The following ELL variants were observed in gnomAD, a reference collection of about 807,000 sequenced individuals.
The protein encoded by ELL is elongation factor for RNA polymerase II.
In ELL, 18 loss-of-function variants were observed where a neutral mutation model predicts 64.0. The observed-to-expected ratio is 0.28, with a 90% CI of 0.19 to 0.42. The LOEUF (loss-of-function observed/expected upper bound fraction) is 0.42. ELL is among the 10% of genes least tolerant of loss of function. The pLI, the probability that ELL is intolerant of heterozygous loss-of-function variation, is 1.00. For missense variants in ELL, 797 were observed against 870.4 expected (o/e 0.92, Z 1.06); for synonymous variants, 399 against 376.2 (o/e 1.06, Z -0.70).
intron 5 of ELL, among the ~76,000 whole-genome samples, chr19:18,458,725 T>C (rs1480192332): frequency 6.6e-6 from 1 of 152,184 alleles, no homozygotes; most frequent in African/African-American, 2.4e-5. Flanking sequence ...CTAGACCTCC[T>C]GTGCTCAAGC....
intron 8 of ELL, chr19:18,448,205 G>A (rs1315710108): frequency 2.0e-5 from 3 of 151,972 alleles, no homozygotes; most frequent in African/African-American, 7.3e-5. Flanking sequence ...CAACATGCTG[G>A]GATTATAGGC....
chr19:18,477,152 G>T (rs1431418423), intron 1 of ELL, among the ~76,000 whole-genome samples: 1 of 152,200 alleles, frequency 6.6e-6, no homozygotes, highest in Non-Finnish European at 1.5e-5. Flanking sequence ...TGAAGAGGAA[G>T]ACGTACGGGT....
intron 1 of ELL, among the ~76,000 whole-genome samples, chr19:18,488,523 G>A (rs1485450456): frequency 6.6e-6 from 1 of 152,208 alleles, no homozygotes; most frequent in African/African-American, 2.4e-5. Flanking sequence ...CAGGGCTCTA[G>A]GGAGGGGCTG....
chr19:18,465,200 A>G (rs533270679), intron 4 of ELL, among the ~76,000 whole-genome samples: 4 of 152,076 alleles, frequency 2.6e-5, no homozygotes, highest in Non-Finnish European at 5.9e-5. Context: ...CCAACCCCCT[A>G]TCCCTCACAT....
At position 18,446,757 on chromosome 19, in the gene ELL, T is replaced by A; in HGVS notation, c.1523A>T (p.Asp508Val). Residue 508 changes from aspartate (D) to valine (V), a missense_variant, in exon 9 of 12, where the codon GAC becomes GTC. Coordinates refer to ENST00000262809, the MANE Select transcript of ELL (RefSeq NM_006532.4). ...CCAGACAAACACTCACAGCAAGTAGTCAGGCGTCTCCGACGTGGACGTGGG... is the reference window on the plus strand; with the variant it reads ...CCAGACAAACACTCACAGCAAGTAGACAGGCGTCTCCGACGTGGACGTGGG... ...SVPTSTSETP[D>V]YLLKYAAISS... 1.2e-6 allele frequency: 2 copies of A among 1,613,956 alleles called. No individual in the cohort carries two copies. The highest frequency in any genetic ancestry group is 1.7e-6 in the Non-Finnish European group (2 of 1,179,976).
intron 6 of ELL, among the ~76,000 whole-genome samples, chr19:18,453,591 T>C (rs1974588596): frequency 6.6e-6 from 1 of 151,884 alleles, no homozygotes; most frequent in Non-Finnish European, 1.5e-5. Context: ...AGAAAATAGG[T>C]TGGGCGCAGT....
chr19:18,488,678 A>G (rs1975466724), intron 1 of ELL, among the ~76,000 whole-genome samples: 1 of 152,130 alleles, frequency 6.6e-6, no homozygotes, highest in South Asian at 2.1e-4. Flanking sequence ...AAGCAAAGGA[A>G]AGCCTGATCA....
intron 1 of ELL, among the ~76,000 whole-genome samples, chr19:18,514,872 A>C (rs922474368): frequency 1.3e-5 from 2 of 152,212 alleles, no homozygotes; most frequent in Non-Finnish European, 2.9e-5. Flanking sequence ...GACCTCTGAA[A>C]ACTAGGGTCT....
At chr19:18,492,786 A>G (rs1975558886) in intron 1 of ELL, among the ~76,000 whole-genome samples, 1 of 152,148 alleles carries the variant, frequency 6.6e-6, no homozygotes, top group South Asian at 2.1e-4. Context: ...AGCCAGGCCC[A>G]GGCCCAGCTC....
rs1392703051 is a variant in ELL, at chr19:18,501,308, A to C, written c.135+20613T>G. On this transcript the variant is annotated intron_variant, in intron 1 of 11. Transcript: ENST00000262809. The surrounding 1 kb of genome is among the most constrained non-coding windows in gnomAD (Gnocchi z 4.5). ...ATGAGAAGCCACCAAGCAGACCCGGATGAGAGCAATACTGTGTGTGCCCAG... is the reference window on the plus strand; with the variant it reads ...ATGAGAAGCCACCAAGCAGACCCGGCTGAGAGCAATACTGTGTGTGCCCAG... Among the ~76,000 whole-genome samples, 2 of 152,064 alleles carry C rather than the reference A, an allele frequency of 1.3e-5. No homozygotes were observed. The highest frequency in any genetic ancestry group is 1.3e-4 in the Admixed American group (2 of 15,268).
chr19:18,485,944 C>A (rs1305456733), intron 1 of ELL, among the ~76,000 whole-genome samples: 1 of 151,730 alleles, frequency 6.6e-6, no homozygotes, highest in Non-Finnish European at 1.5e-5. Flanking sequence ...CAAGATCACA[C>A]CACTGCACTC....
chr19:18,491,447 TC>T (rs756545904), intron 1 of ELL, among the ~76,000 whole-genome samples: 10 of 151,836 alleles, frequency 6.6e-5, no homozygotes, highest in South Asian at 4.2e-4. Flanking sequence ...CAGATCACCC[TC>T]CAACGTATGG....
chr19:18,473,217 T>C (rs1415278427), intron 1 of ELL: 1 of 594,940 alleles, frequency 1.7e-6, no homozygotes, highest in Non-Finnish European at 3.2e-6. Context: ...AGCCTGTGAA[T>C]CCACCGGGAG....
At chr19:18,467,572 A>G (rs925583172) in intron 2 of ELL, among the ~76,000 whole-genome samples, 4 of 151,744 alleles carry the variant, frequency 2.6e-5, no homozygotes, top group African/African-American at 9.7e-5. Flanking sequence ...ACACACATAT[A>G]GCCTCTGATG....
At chr19:18,504,447 G>A (rs1975842826) in intron 1 of ELL, among the ~76,000 whole-genome samples, 2 of 152,000 alleles carry the variant, frequency 1.3e-5, no homozygotes, top group South Asian at 4.2e-4. Flanking sequence ...ATCTGAAATT[G>A]CCATGTACAT....
intron 2 of ELL, among the ~76,000 whole-genome samples, chr19:18,469,359 G>A (rs1015160614): frequency 6.6e-6 from 1 of 152,220 alleles, no homozygotes; most frequent in Non-Finnish European, 1.5e-5. Context: ...TTACCAGCCC[G>A]GGACCGTGGG....
At position 18,444,322 on chromosome 19, in the gene ELL, G is replaced by A. The variant is rs1049399086; in HGVS notation, c.*430C>T. 1.3e-5 allele frequency: 3 copies of A among 239,238 alleles called. No homozygotes were observed. Among genetic ancestry groups the A allele is most frequent in the Non-Finnish European group, 2.5e-5 (3 of 121,304 alleles). 14.8% of individuals were successfully genotyped at this position (239,238 alleles called of 1,614,324 possible). On this transcript the variant is annotated 3_prime_UTR_variant, in exon 12 of 12. Coordinates refer to ENST00000262809, the MANE Select transcript of ELL (RefSeq NM_006532.4). ...GGCAGCGGCTAGACCCTGGGTGTCC[G>A]AGGAGAGGGAGGCACAGGTTTAGAA...
At chr19:18,496,247 G>A (rs1246184186) in intron 1 of ELL, among the ~76,000 whole-genome samples, 2 of 152,214 alleles carry the variant, frequency 1.3e-5, no homozygotes, top group East Asian at 1.9e-4. Context: ...GTGTGTGGGC[G>A]TGGTTGTGAA....
intron 9 of ELL, 128 bp from the exon 10 acceptor site, chr19:18,446,608 C>T: frequency 6.7e-7 from 1 of 1,490,578 alleles, no homozygotes; most frequent in Admixed American, 2.1e-5. Flanking sequence ...GGGGGCCTGG[C>T]CCAGAAGAGG....
Sources: gnomAD v4.1 joint callset for allele counts (sites outside exome capture counted in the v4.1 genomes callset) on GRCh38, gnomAD v4.1.1 for gene constraint, Gnocchi (gnomAD v3.1) non-coding constraint, MANE v1.5 for transcripts, NCBI Gene and HGNC (gene_info 2026-07-23, HGNC 2026-07-21) for gene names.